Variants in MDN1 observed in about 807,000 individuals in gnomAD.
MDN1 encodes midasin.
In MDN1, 266 loss-of-function variants were observed where a neutral mutation model predicts 669.2. The observed-to-expected ratio is 0.40, with a 90% CI of 0.36 to 0.44. MDN1 has a LOEUF of 0.44. MDN1 is among the 20% of genes least tolerant of loss of function. The pLI, the probability that MDN1 is intolerant of heterozygous loss-of-function variation, is 1.00. For missense variants in MDN1, 5,940 were observed against 6,754.0 expected, an observed-to-expected ratio of 0.88 and a Z score of 4.22; for synonymous variants, 2,385 against 2,457.1, an observed-to-expected ratio of 0.97 and a Z score of 0.87.
intron 13 of MDN1, 43 bp downstream of exon 13, chr6:89,774,578 T>C: frequency 2.7e-6 from 4 of 1,458,386 alleles, no homozygotes; most frequent in Non-Finnish European, 3.8e-6. Flanking sequence ...GTCAAGTTTC[T>C]GGAAACCCCA....
chr6:89,806,569 T>G (rs937080977), intron 1 of MDN1, among the ~76,000 whole-genome samples: 1 of 151,892 alleles, frequency 6.6e-6, no homozygotes, highest in Non-Finnish European at 1.5e-5. Flanking sequence ...ATACAAAAAA[T>G]TAGCCAGGTG....
rs774770921 is a variant in MDN1, at chr6:89,728,923, G to A, written c.5349+8C>T. 8 of 1,612,402 alleles carry A rather than the reference G, an allele frequency of 5.0e-6. No homozygotes were observed. The highest frequency in any genetic ancestry group is 4.5e-5 in the East Asian group (2 of 44,868). On this transcript the variant is annotated splice_region_variant and intron_variant, in intron 36 of 101. Transcript: ENST00000369393. ...TATCTCCATCAGCTGTAGGATGACC[G>A]AGCTTACCGTTTGCTCTGATAAGTT...
At chr6:89,736,575 G>A (rs562710982) in intron 33 of MDN1, among the ~76,000 whole-genome samples, 132 of 152,102 alleles carry the variant, frequency 8.7e-4, no homozygotes, top group African/African-American at 3.0e-3. Context: ...CGGGTCACTC[G>A]AGCCCAGGAG....
intron 76 of MDN1, among the ~76,000 whole-genome samples, chr6:89,676,787 A>G (rs762129729): frequency 9.2e-5 from 14 of 152,200 alleles, no homozygotes. Context: ...TAAAACACAC[A>G]TGTGTACTAT....
At chr6:89,777,585 G>C (rs1011912502) in intron 11 of MDN1, among the ~76,000 whole-genome samples, 9 of 152,186 alleles carry the variant, frequency 5.9e-5, no homozygotes, top group African/African-American at 2.2e-4. Flanking sequence ...TGTAGGTGTA[G>C]TTTCTATAAT....
intron 89 of MDN1, 68 bp from the exon 90 acceptor site, chr6:89,658,438 A>C (rs2128300394): frequency 1.3e-6 from 2 of 1,594,082 alleles, no homozygotes; most frequent in Middle Eastern, 1.7e-4. Context: ...GAGACCTTGC[A>C]ACAAGCAGGC....
chr6:89,716,841 C>T (rs769786309), intron 43 of MDN1, 32 bp from the exon 44 acceptor site: 2 of 1,535,846 alleles, frequency 1.3e-6, no homozygotes, highest in Admixed American at 2.2e-5. Context: ...TCACCATCCA[C>T]AGCACTTAAC....
chr6:89,781,340 G>C (rs572621570), intron 10 of MDN1, 59 bp downstream of exon 10: 10 of 1,538,916 alleles, frequency 6.5e-6, no homozygotes, highest in Non-Finnish European at 8.9e-6. Flanking sequence ...AACAGAGCAG[G>C]AATCTGTCTC....
chr6:89,749,620 G>A lies in MDN1; in HGVS notation c.3538C>T (p.Gln1180Ter). 6.2e-7 allele frequency: 1 copy of A among 1,614,174 alleles called. No individual in the cohort carries two copies. Among genetic ancestry groups the A allele is most frequent in the Non-Finnish European group, 8.5e-7 (1 of 1,180,022 alleles). ...DNRELLVTETQEVVKAHPRFM... is the reference protein window; with the variant it reads ...DNRELLVTET ...CGAGGGTGTGCTTTAACAACTTCCT[G>A]TGTTTCTGTTACTAGCAATTCACGG... Residue 1180 changes from glutamine to a stop codon, truncating the protein, a stop_gained, in exon 25 of 102, where the codon CAG becomes TAG. Coordinates refer to ENST00000369393, the MANE Select transcript of MDN1 (RefSeq NM_014611.3). LOFTEE classifies it high-confidence loss of function.
intron 73 of MDN1, among the ~76,000 whole-genome samples, chr6:89,682,309 T>A (rs897530333): frequency 6.6e-6 from 1 of 152,184 alleles, no homozygotes; most frequent in African/African-American, 2.4e-5. Context: ...AAAGCACAAT[T>A]ATTTCTCACA....
At chr6:89,669,323 A>G (rs1489854807) in intron 83 of MDN1, among the ~76,000 whole-genome samples, 1 of 152,230 alleles carries the variant, frequency 6.6e-6, no homozygotes, top group Non-Finnish European at 1.5e-5. Flanking sequence ...TGGAATGTTA[A>G]GGCTGGCCTG....
intron 11 of MDN1, 85 bp downstream of exon 11, chr6:89,780,127 A>G (rs1185460127): frequency 4.1e-6 from 3 of 728,022 alleles, no homozygotes; most frequent in Non-Finnish European, 6.7e-6. Flanking sequence ...AAAAAGTCTG[A>G]TGGCAATCAA....
chr6:89,685,933 T>C lies in MDN1; in HGVS notation c.11613A>G (p.Leu3871=). Residue 3871 remains leucine (L), a synonymous_variant, in exon 70 of 102, where the codon TTA becomes TTG. Coordinates refer to ENST00000369393, the MANE Select transcript of MDN1 (RefSeq NM_014611.3). ...QMTLMLLVST[L]QAFIEGSSLG... The stretch of plus-strand genomic sequence containing the variant: ...GCGAGGATCCTTCAATAAATGCTTG[T>C]AATGTGCTGACCAGCAACATCAAGG... The C allele has an allele frequency of 6.2e-7, 1 of 1,614,098 alleles. No individual in the cohort carries two copies. The highest frequency in any genetic ancestry group is 8.5e-7 in the Non-Finnish European group (1 of 1,180,004).
chr6:89,718,946 G>A lies in MDN1; in HGVS notation c.6142C>T (p.Pro2048Ser), dbSNP rs145876156. 3 of 1,614,186 alleles carry A rather than the reference G, an allele frequency of 1.9e-6. No homozygotes were observed. Among genetic ancestry groups the A allele is most frequent in the Non-Finnish European group, 2.5e-6 (3 of 1,180,036 alleles). ...ACACACTTCATGATTGACTCCAGGG[G>A]TTGGAATGACTGGTGCAGGAGCAAC... Reference protein sequence around the residue: ...PLLLLHQSFQPLESIMKCVQM... With the variant: ...PLLLLHQSFQSLESIMKCVQM... Residue 2048 changes from proline (P) to serine (S), a missense_variant, in exon 42 of 102, where the codon CCC becomes TCC. Physicochemically the swap from Pro to Ser is moderately conservative, Grantham distance 74. Around this residue, in one of 5 missense-constraint regions of MDN1, gnomAD observed 2,292 missense variants for 2,638.3 expected, o/e 0.87. Transcript: ENST00000369393.
chr6:89,780,080 A>C, intron 11 of MDN1, 132 bp downstream of exon 11: 3 of 554,738 alleles, frequency 5.4e-6, no homozygotes, highest in East Asian at 3.3e-5. Context: ...AAAAAAAAAA[A>C]CAAAAAAAGA....
chr6:89,713,323 AAC>A (rs1562127623), intron 46 of MDN1, 27 bp from the exon 47 acceptor site: 1 of 1,579,604 alleles, frequency 6.3e-7, no homozygotes, highest in East Asian at 2.2e-5. Context: ...GCCATCTATA[AAC>A]AATAGAGTCT....
chr6:89,782,522 G>GC (rs1818728620), intron 9 of MDN1, among the ~76,000 whole-genome samples: 1 of 151,860 alleles, frequency 6.6e-6, no homozygotes, highest in Admixed American at 6.6e-5. Flanking sequence ...AGCCTGAGAG[G>GC]TTGAGGCTGC....
chr6:89,790,458 G>C (rs956385105), intron 5 of MDN1, 57 bp from the exon 6 acceptor site: 1 of 1,607,668 alleles, frequency 6.2e-7, no homozygotes, highest in African/African-American at 1.3e-5. Flanking sequence ...AGGAACCGAA[G>C]TTAATTTCCA....
At chr6:89,762,613 G>A in intron 15 of MDN1, 83 bp from the exon 16 acceptor site, 1 of 960,236 alleles carries the variant, frequency 1.0e-6, no homozygotes, top group Non-Finnish European at 1.6e-6. Context: ...AACAGGAGTA[G>A]GTCTCAGATT....
Sources: allele counts gnomAD v4.1 joint callset (sites outside exome capture counted in the v4.1 genomes callset), GRCh38; gene constraint gnomAD v4.1.1; regional missense constraint gnomAD v4.1.1; transcripts MANE v1.5; gene names NCBI Gene and HGNC (gene_info 2026-07-23, HGNC 2026-07-21).